The following ATG10 variants were observed in gnomAD, a reference collection of about 807,000 sequenced individuals.
ATG10 encodes the protein ubiquitin-like-conjugating enzyme ATG10.
ATG10 carries 30 observed loss-of-function variants against 32.1 expected under a neutral mutation model. The ratio of observed to expected loss-of-function variants is 0.94; its 90% CI spans 0.70 to 1.27. The LOEUF (loss-of-function observed/expected upper bound fraction) is 1.27, where lower values mean the gene tolerates loss of function less well. Ranked by LOEUF, ATG10 falls within the 50% of genes most tolerant of loss-of-function variation. The probability of loss-of-function intolerance (pLI) is 0.00; values close to 1 mark genes in which losing one functional copy is unlikely to be tolerated. For synonymous variants in ATG10, 87 were observed against 91.5 expected (o/e 0.95, Z 0.28); for missense variants, 233 against 262.3 (o/e 0.89, Z 0.77).
At chr5:82,073,970 GT>G in intron 3 of ATG10, among the ~76,000 whole-genome samples, 1 of 152,264 alleles carries the variant, frequency 6.6e-6, no homozygotes, top group East Asian at 1.9e-4. Context: ...AACAAAACTG[GT>G]TTTGAAATTC....
chr5:82,061,024 C>T (rs556515848), intron 3 of ATG10, among the ~76,000 whole-genome samples: 1 of 152,316 alleles, frequency 6.6e-6, no homozygotes, highest in African/African-American at 2.4e-5. Context: ...TCTTTTCTCT[C>T]ACTCCCTTGA....
chr5:82,206,474 C>T (rs994883736), intron 5 of ATG10, among the ~76,000 whole-genome samples: 5 of 151,802 alleles, frequency 3.3e-5, no homozygotes, highest in Admixed American at 6.6e-5. Context: ...GGTGAAACCC[C>T]GTCTCTACTT....
chr5:82,228,376 T>C (rs1392752282), intron 5 of ATG10, among the ~76,000 whole-genome samples: 1 of 152,222 alleles, frequency 6.6e-6, no homozygotes, highest in Non-Finnish European at 1.5e-5. Context: ...TTATGACAAC[T>C]CAATCAGACA....
At chr5:82,165,749 T>A (rs1743549010) in intron 4 of ATG10, among the ~76,000 whole-genome samples, 1 of 152,192 alleles carries the variant, frequency 6.6e-6, no homozygotes, top group African/African-American at 2.4e-5. Flanking sequence ...TAAAGGAAGT[T>A]TCTTGTCAGT....
chr5:82,043,350 A>G (rs1211237018), intron 2 of ATG10, among the ~76,000 whole-genome samples: 1 of 152,174 alleles, frequency 6.6e-6, no homozygotes, highest in Non-Finnish European at 1.5e-5. Context: ...GGCCTGGCCC[A>G]CAGAACCATT....
intron 5 of ATG10, among the ~76,000 whole-genome samples, chr5:82,244,477 CT>C (rs1004184980): frequency 5.9e-5 from 9 of 152,120 alleles, no homozygotes; most frequent in African/African-American, 2.2e-4. Flanking sequence ...ATGTAAAGCG[CT>C]TAATACGGTG....
At chr5:82,056,852 T>C (rs887245287) in intron 2 of ATG10, among the ~76,000 whole-genome samples, 1 of 152,202 alleles carries the variant, frequency 6.6e-6, no homozygotes, top group Non-Finnish European at 1.5e-5. Context: ...ACAGTGGCAA[T>C]GACAACAGTC....
intron 3 of ATG10, among the ~76,000 whole-genome samples, chr5:82,157,310 T>C (rs1767839943): frequency 6.6e-6 from 1 of 152,196 alleles, no homozygotes; most frequent in African/African-American, 2.4e-5. Context: ...TAAGATATTA[T>C]CCTTGGGATC....
At chr5:82,069,273 G>A (rs1764047771) in intron 3 of ATG10, among the ~76,000 whole-genome samples, 1 of 152,050 alleles carries the variant, frequency 6.6e-6, no homozygotes, top group Non-Finnish European at 1.5e-5. Flanking sequence ...TTTTTTGGTA[G>A]CTTGAATGAG....
chr5:82,017,535 G>T (rs1411017411), intron 2 of ATG10, among the ~76,000 whole-genome samples: 1 of 152,160 alleles, frequency 6.6e-6, no homozygotes, highest in African/African-American at 2.4e-5. Context: ...AATGTTGGCT[G>T]TGGGTTTGTC....
At chr5:82,144,629 A>T (rs1047463749) in intron 3 of ATG10, among the ~76,000 whole-genome samples, 3 of 151,946 alleles carry the variant, frequency 2.0e-5, no homozygotes, top group Admixed American at 6.5e-5. Flanking sequence ...TAAATATCTT[A>T]TGGTCACTTA....
At chr5:82,074,798 A>G (rs1764223763) in intron 3 of ATG10, among the ~76,000 whole-genome samples, 1 of 152,228 alleles carries the variant, frequency 6.6e-6, no homozygotes, top group Non-Finnish European at 1.5e-5. Context: ...AAAATCACCT[A>G]ACACTTTATG....
intron 1 of ATG10, among the ~76,000 whole-genome samples, chr5:81,978,178 T>G (rs1241938594): frequency 6.6e-6 from 1 of 152,124 alleles, no homozygotes; most frequent in Non-Finnish European, 1.5e-5. Flanking sequence ...CATGCAATTC[T>G]CCTGCCTCAG....
intron 4 of ATG10, among the ~76,000 whole-genome samples, chr5:82,172,456 G>T (rs1030619728): frequency 4.6e-5 from 7 of 152,078 alleles, no homozygotes; most frequent in Non-Finnish European, 8.8e-5. Context: ...AGGATCCTGA[G>T]CTTATATTGG....
At chr5:82,137,114 C>G (rs1766789995) in intron 3 of ATG10, among the ~76,000 whole-genome samples, 1 of 152,064 alleles carries the variant, frequency 6.6e-6, no homozygotes, top group Non-Finnish European at 1.5e-5. Flanking sequence ...ATTCCTCTAC[C>G]CATTTTTCAA....
chr5:82,078,395 G>A (rs1186976886), intron 3 of ATG10: 1 of 152,206 alleles, frequency 6.6e-6, no homozygotes, highest in Non-Finnish European at 1.5e-5. Flanking sequence ...AGTGGGGAAA[G>A]CTTCAGCATT....
At chr5:82,110,227 CT>C (rs1269105300) in intron 3 of ATG10, among the ~76,000 whole-genome samples, 3 of 152,082 alleles carry the variant, frequency 2.0e-5, no homozygotes, top group African/African-American at 7.2e-5. Context: ...GGTTCCAAGT[CT>C]TTGCTATTGT....
intron 3 of ATG10, among the ~76,000 whole-genome samples, chr5:82,065,138 A>C (rs1163364980): frequency 6.6e-6 from 1 of 152,208 alleles, no homozygotes; most frequent in East Asian, 1.9e-4. Context: ...GTTTTTGAAC[A>C]AGATATTTTC....
At chr5:82,223,617 A>G (rs780186402) in intron 5 of ATG10, among the ~76,000 whole-genome samples, 3 of 152,214 alleles carry the variant, frequency 2.0e-5, no homozygotes, top group Non-Finnish European at 4.4e-5. Flanking sequence ...ACAGAAATCT[A>G]TGGCATGGTC....
Sources: allele counts gnomAD v4.1 joint callset (sites outside exome capture counted in the v4.1 genomes callset), GRCh38; gene constraint gnomAD v4.1.1; transcripts MANE v1.5; gene names NCBI Gene and HGNC (gene_info 2026-07-23, HGNC 2026-07-21).